The following RPS6KA4 variants were observed in gnomAD, a reference collection of about 807,000 sequenced individuals.
RPS6KA4 encodes ribosomal protein S6 kinase A4, also known as ribosomal protein S6 kinase alpha-4.
Under a neutral mutation model 89.6 loss-of-function variants are expected in RPS6KA4, and 38 were observed. The ratio of observed to expected loss-of-function variants is 0.42; its 90% CI spans 0.33 to 0.56. RPS6KA4 has a LOEUF of 0.56. Ranked by LOEUF, RPS6KA4 falls within the 20% of genes least tolerant of loss-of-function variation. RPS6KA4 has a pLI of 0.07. For synonymous variants in RPS6KA4, 495 were observed against 492.8 expected (o/e 1.00, Z -0.06); for missense variants, 873 against 1,098.8 (o/e 0.79, Z 2.90).
rs769619036 is a variant in RPS6KA4 at position 64,368,204 on chromosome 11, C to G, written c.1144C>G (p.Pro382Ala). 2 of 1,613,754 alleles carry G rather than the reference C, an allele frequency of 1.2e-6. No individual in the cohort carries two copies. Among genetic ancestry groups the G allele is most frequent in the South Asian group, 2.2e-5 (2 of 91,088 alleles). Residue 382 changes from proline (P) to alanine (A), a missense_variant, in exon 10 of 17, where the codon CCT becomes GCT. Coordinates refer to ENST00000334205, the MANE Select transcript of RPS6KA4 (RefSeq NM_003942.3). ...NAVMTDGLEA[P>A]GAGDRPGRAA... ...GGTGATGACCGATGGGCTGGAAGCG[C>G]CTGGTGCTGGAGACCGGCCAGGTCG... is the stretch of plus-strand genomic sequence containing the variant.
intron 9 of RPS6KA4, among the ~76,000 whole-genome samples, chr11:64,366,840 T>A (rs534237604): frequency 6.6e-6 from 1 of 152,296 alleles, no homozygotes; most frequent in South Asian, 2.1e-4. Context: ...ATAATGATAT[T>A]ATATCATTAT....
chr11:64,361,204 C>T lies in RPS6KA4; in HGVS notation c.533C>T (p.Thr178Met). The change falls in exon 5 of 17, where the codon ACG becomes ATG. Residue 178 changes from threonine to methionine, a missense_variant. Physicochemically the swap from Thr to Met is moderately conservative, Grantham distance 81. Transcript: ENST00000334205. This position sits in a 1 kb window ranked among gnomAD's most constrained non-coding sequence, Gnocchi z 4.7. ...LLDSEGHIVL[T>M]DFGLSKEFLT... The stretch of plus-strand genomic sequence containing the variant: ...GACTCCGAGGGCCACATTGTCCTCA[C>T]GGACTTCGGGCTGAGCAAGGAGTTC... 5 of 1,613,474 alleles carry T rather than the reference C, an allele frequency of 3.1e-6. No individual in the cohort carries two copies. The highest frequency in any genetic ancestry group is 4.2e-6 in the Non-Finnish European group (5 of 1,179,976).
Position 64,368,579 on chromosome 11 carries a change from G to A in RPS6KA4, c.1312G>A (p.Ala438Thr). ...CRQRQSGQEF[A>T]VKILSRRLEA... ...CCAGCGCCAGAGCGGCCAGGAGTTC[G>A]CAGTCAAGATCCTCAGTCGCAGGTG... is the stretch of plus-strand genomic sequence containing the variant. The change falls in exon 11 of 17, where the codon GCA becomes ACA. Residue 438 changes from alanine to threonine, a missense_variant. Ala to Thr is a moderately conservative substitution (Grantham distance 58). Transcript: ENST00000334205. 1.9e-6 allele frequency: 3 copies of A among 1,600,582 alleles called. No individual in the cohort carries two copies. Among genetic ancestry groups the A allele is most frequent in the Non-Finnish European group, 1.7e-6 (2 of 1,176,028 alleles).
chr11:64,359,904 A>G (rs999623906), intron 2 of RPS6KA4: 2 of 552,934 alleles, frequency 3.6e-6, no homozygotes, highest in Non-Finnish European at 6.4e-6. Flanking sequence ...CCCCGCCCCC[A>G]TGCCTCGCAG....
In RPS6KA4 at chr11:64,368,733, C is replaced by G; in HGVS notation, c.1364C>G (p.Ala455Gly). ...GAGGCGAACACGCAGCGCGAAGTGGCTGCCCTGCGCCTGTGCCAGTCACAC... is the reference window on the plus strand; with the variant it reads ...GAGGCGAACACGCAGCGCGAAGTGGGTGCCCTGCGCCTGTGCCAGTCACAC... The part of the protein sequence containing the change: ...RLEANTQREV[A>G]ALRLCQSHPN... The change falls in exon 12 of 17, where the codon GCT becomes GGT. Residue 455 changes from alanine (A) to glycine (G), a missense_variant. By Grantham distance (60) the Ala-to-Gly change is moderately conservative. This residue lies in a region of RPS6KA4 where 542 missense variants were observed against 736.4 expected (regional missense o/e 0.74). Transcript: ENST00000334205. The G allele has an allele frequency of 6.3e-7, 1 of 1,575,622 alleles. No individual in the cohort carries two copies.
chr11:64,365,118 G>A (rs1350745502), intron 8 of RPS6KA4, among the ~76,000 whole-genome samples, 183 bp from the exon 9 acceptor site: 2 of 152,088 alleles, frequency 1.3e-5, no homozygotes, highest in African/African-American at 4.8e-5. Context: ...GGTTCTCTAA[G>A]GGGAATAGGG....
At chr11:64,359,845 G>A (rs1466470789) in intron 2 of RPS6KA4, 1 of 541,472 alleles carries the variant, frequency 1.8e-6, no homozygotes, top group Non-Finnish European at 3.3e-6. Context: ...TCCCTTCCTT[G>A]CACTGGCATC....
rs1288766006 is a variant in RPS6KA4 at position 64,363,285 on chromosome 11, AT to A, written c.906+1284del. Among the ~76,000 whole-genome samples, 5 of 152,250 alleles carry A rather than the reference AT, an allele frequency of 3.3e-5. No individual in the cohort carries two copies. In the East Asian group the frequency reaches 9.7e-4, roughly 29 times the overall value. On this transcript the variant is annotated intron_variant, in intron 8 of 16. Transcript: ENST00000334205. ...GAGATGATTTCTTACATAGGAATCTATGTCTTTGAGGTGAAGATGTCCCTTT... is the reference window on the plus strand; with the variant it reads ...GAGATGATTTCTTACATAGGAATCTAGTCTTTGAGGTGAAGATGTCCCTTT...
rs1398560402 is a variant in RPS6KA4, at chr11:64,370,662, G to A, written c.2057G>A (p.Arg686Gln). 5 of 1,571,714 alleles carry A rather than the reference G, an allele frequency of 3.2e-6. No individual in the cohort carries two copies. Among genetic ancestry groups the A allele is most frequent in the Admixed American group, 3.5e-5 (2 of 56,918 alleles). ...AGCGCGCGCTCCTCGCCCCCGCTCC[G>A]GACGCCCGACGTGCTCGAGTCCTCT... ...DGSARSSPPL[R>Q]TPDVLESSGP... is the part of the protein sequence containing the mutation. The change falls in exon 16 of 17, where the codon CGG becomes CAG. Residue 686 changes from arginine (R) to glutamine (Q), a missense_variant. This residue lies in a region of RPS6KA4 where 278 missense variants were observed against 284.8 expected (regional missense o/e 0.98). Transcript: ENST00000334205. The surrounding 1 kb of genome is among the most constrained non-coding windows in gnomAD (Gnocchi z 4.1).
chr11:64,368,862 A>T (rs906568584), intron 12 of RPS6KA4, 65 bp downstream of exon 12: 7 of 1,365,428 alleles, frequency 5.1e-6, no homozygotes, highest in African/African-American at 1.5e-5. Context: ...TGGGGGCACT[A>T]TGGGCGGGAT....
chr11:64,360,867 C>T (rs780042155), intron 4 of RPS6KA4: 3 of 572,806 alleles, frequency 5.2e-6, no homozygotes, highest in Non-Finnish European at 9.3e-6. Flanking sequence ...GGAAACCTCA[C>T]GGCCTGGCTC....
At chr11:64,369,263 C>T (rs2036982534) in intron 12 of RPS6KA4, among the ~76,000 whole-genome samples, 183 bp from the exon 13 acceptor site, 1 of 151,834 alleles carries the variant, frequency 6.6e-6, no homozygotes, top group Non-Finnish European at 1.5e-5. Context: ...TGCATTCCAG[C>T]CTGGGCGACA....
At position 64,368,619 on chromosome 11, in the gene RPS6KA4, C is replaced by T. The variant is rs1318180387; in HGVS notation, c.1334+18C>T. 3 of 1,514,656 alleles carry T rather than the reference C, an allele frequency of 2.0e-6. No homozygotes were observed. Among genetic ancestry groups the T allele is most frequent in the South Asian group, 1.2e-5 (1 of 86,268 alleles). The allele number at this position is 1,514,656 out of a possible 1,614,324, so 93.8% of individuals were successfully genotyped here. ...AGTCGCAGGTGGGAGGGCCCAGGCG[C>T]GGGCAGGGGTGGGGGTGGCAGAGCG... On this transcript the variant is annotated intron_variant, in intron 11 of 16. Transcript: ENST00000334205.
At position 64,371,443 on chromosome 11, in the gene RPS6KA4, C is replaced by A. The variant is rs757804588; in HGVS notation, c.2282C>A (p.Ala761Asp). 1.9e-6 allele frequency: 3 copies of A among 1,574,654 alleles called. No individual in the cohort carries two copies. The highest frequency in any genetic ancestry group is 2.6e-6 in the Non-Finnish European group (3 of 1,157,654). The change falls in exon 17 of 17, where the codon GCC (alanine) becomes GAC (aspartate). Residue 761 changes from alanine (A) to aspartate (D), a missense_variant. Physicochemically the swap from Ala to Asp is moderately radical, Grantham distance 126 (BLOSUM62 -2). Transcript: ENST00000334205. ...PGRAPVASKG[A>D]PRRANGPLPP... The stretch of plus-strand genomic sequence containing the variant: ...CGAGCCCCCGTCGCCTCCAAAGGGG[C>A]CCCCCGCCGAGCCAACGGCCCCCTG...
intron 8 of RPS6KA4, among the ~76,000 whole-genome samples, chr11:64,363,808 T>C (rs3782101): frequency 0.32 from 48,084 of 152,014 alleles, 8,072 homozygotes; most frequent in East Asian, 0.61. Flanking sequence ...TGCTTTTTCT[T>C]GGACAGCTTC....
intron 2 of RPS6KA4, chr11:64,359,855 CTT>C (rs2036694174): frequency 1.8e-6 from 1 of 548,516 alleles, no homozygotes; most frequent in Non-Finnish European, 3.2e-6. Context: ...GCACTGGCAT[CTT>C]TTCACATCCA....
At position 64,368,723 on chromosome 11, in the gene RPS6KA4, C is replaced by G; in HGVS notation, c.1354C>G (p.Arg452Gly). Reference protein sequence around the residue: ...LSRRLEANTQREVAALRLCQS... With the variant: ...LSRRLEANTQGEVAALRLCQS... ...CCCCAGGCTGGAGGCGAACACGCAG[C>G]GCGAAGTGGCTGCCCTGCGCCTGTG... The change falls in exon 12 of 17, where the codon CGC (arginine) becomes GGC (glycine). Residue 452 changes from arginine to glycine, a missense_variant. Coordinates refer to ENST00000334205, the MANE Select transcript of RPS6KA4 (RefSeq NM_003942.3). 6.3e-7 allele frequency: 1 copy of G among 1,576,972 alleles called. No individual in the cohort carries two copies. The highest frequency in any genetic ancestry group is 2.3e-5 in the East Asian group (1 of 43,216).
At position 64,359,174 on chromosome 11, in the gene RPS6KA4, G is replaced by A. The variant is rs1056812366; in HGVS notation, c.-62G>A. On this transcript the variant is annotated 5_prime_UTR_variant, in exon 1 of 17. Coordinates refer to ENST00000334205, the MANE Select transcript of RPS6KA4 (RefSeq NM_003942.3). The stretch of plus-strand genomic sequence containing the variant: ...CCAGGAAGCGCCCGCCCCGGCCGGA[G>A]CCGCCATGTAACCGGCGCCGCCCGG... 9 of 1,223,926 alleles carry A rather than the reference G, an allele frequency of 7.4e-6. No individual in the cohort carries two copies. The highest frequency in any genetic ancestry group is 8.2e-6 in the Non-Finnish European group (8 of 973,386). 75.8% of individuals were successfully genotyped at this position (1,223,926 alleles called of 1,614,324 possible).
chr11:64,370,458 T>A lies in RPS6KA4; in HGVS notation c.1957+74T>A. ...ACAGGGATGGTCACTGGGCCAGGTG[T>A]CCTGGTTGGGGATGGGTAGGGGAGG... is the stretch of plus-strand genomic sequence containing the variant. On this transcript the variant is annotated intron_variant, in intron 15 of 16. Coordinates refer to ENST00000334205, the MANE Select transcript of RPS6KA4 (RefSeq NM_003942.3). This position sits in a 1 kb window ranked among gnomAD's most constrained non-coding sequence, Gnocchi z 4.1. 6.2e-7 allele frequency: 1 copy of A among 1,605,310 alleles called. No homozygotes were observed. The highest frequency in any genetic ancestry group is 2.2e-5 in the East Asian group (1 of 44,732).
Sources: gnomAD v4.1 joint callset for allele counts (sites outside exome capture counted in the v4.1 genomes callset) on GRCh38, gnomAD v4.1.1 for gene constraint, gnomAD v4.1.1 regional missense constraint, Gnocchi (gnomAD v3.1) non-coding constraint, MANE v1.5 for transcripts, NCBI Gene and HGNC (gene_info 2026-07-23, HGNC 2026-07-21) for gene names.